The following ABAT variants were observed in gnomAD, a reference collection of about 807,000 sequenced individuals.
ABAT encodes 4-aminobutyrate aminotransferase.
In ABAT, 45 loss-of-function variants were observed where a neutral mutation model predicts 64.6. The observed-to-expected ratio is 0.70, with a 90% CI of 0.55 to 0.89. The LOEUF is 0.89. Among genes scored for constraint, ABAT ranks in the 40% least tolerant of loss-of-function variants. ABAT has a pLI of 0.00. For synonymous variants in ABAT, 297 were observed against 250.5 expected (o/e 1.19, Z -1.75); for missense variants, 633 against 658.4 (o/e 0.96, Z 0.42).
At chr16:8,723,807 T>TC (rs1416168123) in intron 1 of ABAT, among the ~76,000 whole-genome samples, 31 of 69,498 alleles carry the variant, frequency 4.5e-4, no homozygotes, top group African/African-American at 1.5e-3. Flanking sequence ...GATCCAAGCT[T>TC]TTTATATATA....
intron 1 of ABAT, chr16:8,722,817 G>T: frequency 2.3e-6 from 3 of 1,289,154 alleles, no homozygotes; most frequent in Non-Finnish European, 2.0e-6. Flanking sequence ...TAGAATCAAA[G>T]AGGGATATAC....
intron 14 of ABAT, 46 bp from the exon 15 acceptor site, chr16:8,779,433 C>T (rs1240030176): frequency 6.6e-7 from 1 of 1,523,768 alleles, no homozygotes; most frequent in South Asian, 1.1e-5. Flanking sequence ...CCAGCTGGTA[C>T]ACAGGTGATG....
In ABAT at chr16:8,680,984, A is replaced by AT. The variant is rs35351214; in HGVS notation, c.-42+6284dup. Among the ~76,000 whole-genome samples, 496 of 145,660 alleles carry AT rather than the reference A, an allele frequency of 3.4e-3. 2 individuals are homozygous for AT. The highest frequency in any genetic ancestry group is 0.011 in the African/African-American group (440 of 39,978). On this transcript the variant is annotated intron_variant, in intron 1 of 15. Coordinates refer to ENST00000268251, the MANE Select transcript of ABAT (RefSeq NM_020686.6). ...TTTTTCTTTTTCTTTTTATTTATCT[A>AT]TTTTTTTTTTTGAGACAGAGTCTCA...
chr16:8,685,190 GCA>G (rs1234008746), intron 1 of ABAT, among the ~76,000 whole-genome samples: 2 of 151,986 alleles, frequency 1.3e-5, no homozygotes, highest in African/African-American at 4.8e-5. Flanking sequence ...GGAGGCTGAG[GCA>G]CAAGAATCAC....
At chr16:8,773,203 G>C (rs554917158) in intron 12 of ABAT, among the ~76,000 whole-genome samples, 3 of 151,450 alleles carry the variant, frequency 2.0e-5, no homozygotes, top group African/African-American at 7.3e-5. Flanking sequence ...CCAGGCTGGA[G>C]TGCAGTGGTG....
chr16:8,710,727 A>AGGGAGAGGGAGAGGGAGG (rs3069301), intron 1 of ABAT, among the ~76,000 whole-genome samples: 3 of 103,758 alleles, frequency 2.9e-5, no homozygotes, highest in African/African-American at 9.4e-5. Flanking sequence ...AGAGAGAGAG[A>AGGGAGAGGGAGAGGGAGG]GAGGAAATAG....
intron 1 of ABAT, among the ~76,000 whole-genome samples, chr16:8,735,192 A>AG (rs1567293511): frequency 6.7e-6 from 1 of 148,908 alleles, no homozygotes; most frequent in East Asian, 1.9e-4. Flanking sequence ...AAAAAAAAAA[A>AG]TGTGAATTGA....
Position 8,772,795 on chromosome 16 carries a change from G to A in ABAT, c.832G>A (p.Val278Met). Reference sequence around the variant, plus strand: ...TGGGATCCAGGTGGAGGATCTGATTGTGAAATATCGGAAAAAGAAGAAGAC... The same window carrying A: ...TGGGATCCAGGTGGAGGATCTGATTATGAAATATCGGAAAAAGAAGAAGAC... ...RCLEEVEDLI[V>M]KYRKKKKTVA... Residue 278 changes from valine to methionine, a missense_variant, in exon 12 of 16, where the codon GTG becomes ATG. Transcript: ENST00000268251. 1 of 1,614,146 alleles carries A rather than the reference G, an allele frequency of 6.2e-7. No homozygotes were observed. The highest frequency in any genetic ancestry group is 1.1e-5 in the South Asian group (1 of 91,084).
intron 1 of ABAT, among the ~76,000 whole-genome samples, chr16:8,711,016 C>A (rs1455349418): frequency 6.6e-6 from 1 of 152,158 alleles, no homozygotes; most frequent in Non-Finnish European, 1.5e-5. Flanking sequence ...TGGATATACC[C>A]AAGTTTATTT....
intron 2 of ABAT, among the ~76,000 whole-genome samples, chr16:8,740,290 G>C (rs766310289): frequency 6.6e-6 from 1 of 152,124 alleles, no homozygotes; most frequent in Non-Finnish European, 1.5e-5. Context: ...CAGTTTCTGC[G>C]GGTTGGGACT....
chr16:8,684,431 G>T (rs891702568), intron 1 of ABAT, among the ~76,000 whole-genome samples: 1 of 151,956 alleles, frequency 6.6e-6, no homozygotes, highest in Admixed American at 6.6e-5. Context: ...AAATTAGCCG[G>T]GCATGGTGAT....
chr16:8,781,484 G>A lies in ABAT; in HGVS notation c.*54G>A. 2 of 1,579,198 alleles carry A rather than the reference G, an allele frequency of 1.3e-6. No homozygotes were observed. Among genetic ancestry groups the A allele is most frequent in the Non-Finnish European group, 1.7e-6 (2 of 1,156,990 alleles). ...CCCGGATCCCAACAGTTGTCAAATT[G>A]ATTAGTTTGCCTAATTCATGTTTTC... On this transcript the variant is annotated 3_prime_UTR_variant, in exon 16 of 16. Transcript: ENST00000268251. The surrounding 1 kb of genome is among the most constrained non-coding windows in gnomAD (Gnocchi z 4.5).
chr16:8,686,746 C>T (rs1392814702), intron 1 of ABAT, among the ~76,000 whole-genome samples: 1 of 152,208 alleles, frequency 6.6e-6, no homozygotes, highest in Non-Finnish European at 1.5e-5. Context: ...ATGCCCACTG[C>T]TGGCTCTGAC....
At chr16:8,689,394 T>C (rs2141965439) in intron 1 of ABAT, among the ~76,000 whole-genome samples, 1 of 152,366 alleles carries the variant, frequency 6.6e-6, no homozygotes, top group South Asian at 2.1e-4. Flanking sequence ...CCTTAGAATA[T>C]GATAGGCATT....
chr16:8,692,275 G>T (rs2057601289), intron 1 of ABAT, among the ~76,000 whole-genome samples: 1 of 152,114 alleles, frequency 6.6e-6, no homozygotes, highest in Non-Finnish European at 1.5e-5. Flanking sequence ...CAGCTACCCG[G>T]GAGGCTGAGT....
intron 1 of ABAT, among the ~76,000 whole-genome samples, chr16:8,702,382 A>T (rs1012786934): frequency 6.6e-6 from 1 of 151,908 alleles, no homozygotes; most frequent in Non-Finnish European, 1.5e-5. Flanking sequence ...CCTCCCAAGT[A>T]GCTGGGATTA....
At chr16:8,747,691 T>G (rs1483157498) in intron 3 of ABAT, among the ~76,000 whole-genome samples, 1 of 152,166 alleles carries the variant, frequency 6.6e-6, no homozygotes, top group Non-Finnish European at 1.5e-5. Context: ...GTTTATGGAG[T>G]GTTTGGATTA....
chr16:8,692,274 G>T (rs2057601209), intron 1 of ABAT, among the ~76,000 whole-genome samples: 1 of 152,130 alleles, frequency 6.6e-6, no homozygotes, highest in Non-Finnish European at 1.5e-5. Flanking sequence ...CCAGCTACCC[G>T]GGAGGCTGAG....
intron 12 of ABAT, among the ~76,000 whole-genome samples, chr16:8,773,156 A>AT (rs2060169195): frequency 7.1e-6 from 1 of 141,582 alleles, no homozygotes; most frequent in African/African-American, 3.0e-5. Flanking sequence ...ACATATATAT[A>AT]TATTTTTTTT....
Sources: gnomAD v4.1 joint callset for allele counts (sites outside exome capture counted in the v4.1 genomes callset) on GRCh38, gnomAD v4.1.1 for gene constraint, Gnocchi (gnomAD v3.1) non-coding constraint, MANE v1.5 for transcripts, NCBI Gene and HGNC (gene_info 2026-07-23, HGNC 2026-07-21) for gene names.